Variants in HIBCH observed in about 807,000 individuals in gnomAD.
HIBCH encodes the protein 3-hydroxyisobutyryl-CoA hydrolase, mitochondrial.
HIBCH carries 50 observed loss-of-function variants against 58.2 expected under a neutral mutation model. That is an observed-to-expected ratio of 0.86 (90% CI 0.68 to 1.09). The LOEUF (loss-of-function observed/expected upper bound fraction) is 1.09. Among genes scored for constraint, HIBCH ranks in the 50% least tolerant of loss-of-function variants. The probability of loss-of-function intolerance (pLI) is 0.00; values close to 1 mark genes in which losing one functional copy is unlikely to be tolerated. For missense variants in HIBCH, 450 were observed against 449.7 expected (o/e 1.00, Z -0.01); for synonymous variants, 151 against 146.9 (o/e 1.03, Z -0.20).
At chr2:190,213,864 G>A (rs1690571139) in intron 11 of HIBCH, 1 of 152,236 alleles carries the variant, frequency 6.6e-6, no homozygotes, top group South Asian at 2.1e-4. Context: ...TGTGCACTAG[G>A]AGGTTAAGTT....
chr2:190,245,111 AAG>A (rs1686568458), intron 10 of HIBCH, 143 bp from the exon 11 acceptor site: 1 of 676,750 alleles, frequency 1.5e-6, no homozygotes, highest in Non-Finnish European at 2.7e-6. Flanking sequence ...CGTGAAAAGA[AAG>A]AGAGCATTGC....
intron 1 of HIBCH, among the ~76,000 whole-genome samples, chr2:190,313,664 AG>A (rs66901703): frequency 0.32 from 40,473 of 125,902 alleles, 8,562 homozygotes; most frequent in East Asian, 0.56. Context: ...AAAAAAAAAA[AG>A]GAATCACCTG....
intron 11 of HIBCH, among the ~76,000 whole-genome samples, chr2:190,222,570 G>A (rs1326344771): frequency 6.6e-6 from 1 of 152,156 alleles, no homozygotes; most frequent in Non-Finnish European, 1.5e-5. Context: ...ACCATAATGA[G>A]ATACCATTTC....
At position 190,212,952 on chromosome 2, in the gene HIBCH, TTACCA is replaced by T. The variant is rs751676774; in HGVS notation, c.1010_1011+3del. The stretch of plus-strand genomic sequence containing the variant: ...AAAATGACATTTTTTTTTTAAATTC[TTACCA>T]TACAAGCTTGACTTAGCCGATACTC... On this transcript the variant is annotated splice_donor_variant and splice_donor_region_variant and coding_sequence_variant and intron_variant, in exon 12 of 14. Coordinates refer to ENST00000359678, the MANE Select transcript of HIBCH (RefSeq NM_014362.4). LOFTEE classifies it high-confidence loss of function. 6.2e-7 allele frequency: 1 copy of T among 1,609,248 alleles called. No homozygotes were observed. The highest frequency in any genetic ancestry group is 8.5e-7 in the Non-Finnish European group (1 of 1,177,626).
rs935307738 is a variant in HIBCH, at chr2:190,207,737, T to C, written c.1045+1143A>G. Among the ~76,000 whole-genome samples, 3 of 152,060 alleles carry C rather than the reference T, an allele frequency of 2.0e-5. No homozygotes were observed. Among genetic ancestry groups the C allele is most frequent in the East Asian group, 3.9e-4 (2 of 5,162 alleles). ...TTCTACTAAAAATACAAAAATCAGC[T>C]AGGCGTGGTGGCATGGGCTGGTAGT... On this transcript the variant is annotated intron_variant, in intron 13 of 13. Transcript: ENST00000359678. This position sits in a 1 kb window ranked among gnomAD's most constrained non-coding sequence, Gnocchi z 4.5.
intron 6 of HIBCH, among the ~76,000 whole-genome samples, chr2:190,285,397 T>C (rs1196609493): frequency 6.6e-6 from 1 of 152,186 alleles, no homozygotes; most frequent in Non-Finnish European, 1.5e-5. Flanking sequence ...CCTCTTACTC[T>C]GCAGTACTTT....
intron 6 of HIBCH, among the ~76,000 whole-genome samples, chr2:190,287,027 C>CGTGTGTGTGTGTGTGTGTGT (rs56811939): frequency 2.6e-4 from 37 of 142,218 alleles, no homozygotes; most frequent in South Asian, 1.4e-3. Flanking sequence ...TAGCATATAA[C>CGTGTGTGTGTGTGTGTGTGT]GTGTGTGTGT....
intron 11 of HIBCH, among the ~76,000 whole-genome samples, chr2:190,235,233 A>G (rs4853503): frequency 0.32 from 48,290 of 152,096 alleles, 8,918 homozygotes; most frequent in African/African-American, 0.49. Context: ...CTGCTTAATT[A>G]ATCACAGGTT....
At chr2:190,317,499 A>G (rs1484517113) in intron 1 of HIBCH, among the ~76,000 whole-genome samples, 4 of 152,224 alleles carry the variant, frequency 2.6e-5, no homozygotes, top group Non-Finnish European at 5.9e-5. Context: ...CTGGGGCCAA[A>G]TCTGTGAAAT....
intron 7 of HIBCH, among the ~76,000 whole-genome samples, chr2:190,252,686 T>C (rs889426898): frequency 1.3e-5 from 2 of 151,968 alleles, no homozygotes; most frequent in Non-Finnish European, 2.9e-5. Context: ...GAAAAAAAAA[T>C]ACATAACCTA....
At chr2:190,280,177 T>C (rs1361824760) in intron 6 of HIBCH, 1 of 152,204 alleles carries the variant, frequency 6.6e-6, no homozygotes, top group Non-Finnish European at 1.5e-5. Context: ...CAGGCCTCAA[T>C]TAAGTCTTTA....
At chr2:190,308,491 A>G (rs1688473779) in intron 2 of HIBCH, among the ~76,000 whole-genome samples, 1 of 152,146 alleles carries the variant, frequency 6.6e-6, no homozygotes, top group Admixed American at 6.5e-5. Context: ...TTAATGGATT[A>G]ATGAGTTAAT....
intron 6 of HIBCH, among the ~76,000 whole-genome samples, chr2:190,284,334 G>A (rs879095356): frequency 6.6e-6 from 1 of 152,030 alleles, no homozygotes; most frequent in African/African-American, 2.4e-5. Context: ...CATGGCCAGT[G>A]CCTTCAGAAA....
At chr2:190,192,452 CTGTGTGTGTGTGTGTGTGTGTG>C (rs147936734) in intron 1 of HIBCH, among the ~76,000 whole-genome samples, 18 of 145,258 alleles carry the variant, frequency 1.2e-4, no homozygotes, top group Admixed American at 8.9e-4. Context: ...AATTCAGAAT[CTGTGTGTGTGTGTGTGTGTGTG>C]TGTGTGTGTG....
rs544439401 is a variant in HIBCH, at chr2:190,252,044, G to A, written c.663+118C>T. The A allele has an allele frequency of 1.2e-4, 115 of 922,866 alleles. No homozygotes were observed. The South Asian group carries it at 1.5e-3, about 12-fold the overall frequency. 57.2% of individuals were successfully genotyped at this position (922,866 alleles called of 1,614,324 possible). ...ACACAGCTATAAACTAATAGGTCCA[G>A]GATTCACACCACGATTTCACCAGAA... On this transcript the variant is annotated intron_variant, in intron 8 of 13. Transcript: ENST00000359678.
In HIBCH at chr2:190,290,340, A is replaced by G. The variant is rs560067634; in HGVS notation, c.385+65T>C. The G allele has an allele frequency of 2.7e-6, 3 of 1,127,112 alleles. No homozygotes were observed. In the African/African-American group the frequency reaches 4.6e-5, roughly 17 times the overall value. The allele number at this position is 1,127,112 out of a possible 1,614,324, so 69.8% of individuals were successfully genotyped here. ...GATGCCTATTGATTGCATTTTTAAC[A>G]AAGTACATACTGTCCACCTCATTTC... On this transcript the variant is annotated intron_variant, in intron 5 of 13. Coordinates refer to ENST00000359678, the MANE Select transcript of HIBCH (RefSeq NM_014362.4).
chr2:190,293,648 G>A (rs1208162757), intron 4 of HIBCH, among the ~76,000 whole-genome samples: 2 of 151,878 alleles, frequency 1.3e-5, no homozygotes, highest in Non-Finnish European at 1.5e-5. Flanking sequence ...CTAAGGTAAT[G>A]GTTTACGTAA....
chr2:190,246,561 T>C lies in HIBCH; in HGVS notation c.751-349A>G, dbSNP rs74589897. On this transcript the variant is annotated intron_variant, in intron 9 of 13. Transcript: ENST00000359678. Reference sequence around the variant, plus strand: ...CCCAAATTTCCATCCTAGCCAGAAATTCACACCATATACCTGGTATGCCTG... The same window carrying C: ...CCCAAATTTCCATCCTAGCCAGAAACTCACACCATATACCTGGTATGCCTG... 6.7e-3 allele frequency among the ~76,000 whole-genome samples: 1,016 copies of C among 152,272 alleles called. 12 individuals carry two copies. Among genetic ancestry groups the C allele is most frequent in the African/African-American group, 0.022 (921 of 41,562 alleles).
At position 190,296,797 on chromosome 2, in the gene HIBCH, T is replaced by A; in HGVS notation, c.219+16A>T. Reference sequence around the variant, plus strand: ...TTGAAAAGAATCCATATAATTGCAATAAGAAAATTACAAACCTTTAGCTGT... The same window carrying A: ...TTGAAAAGAATCCATATAATTGCAAAAAGAAAATTACAAACCTTTAGCTGT... On this transcript the variant is annotated intron_variant, in intron 3 of 13. Coordinates refer to ENST00000359678, the MANE Select transcript of HIBCH (RefSeq NM_014362.4). 1 of 1,605,832 alleles carries A rather than the reference T, an allele frequency of 6.2e-7. No homozygotes were observed. Among genetic ancestry groups the A allele is most frequent in the Non-Finnish European group, 8.5e-7 (1 of 1,172,522 alleles).
Sources: allele counts gnomAD v4.1 joint callset (sites outside exome capture counted in the v4.1 genomes callset), GRCh38; gene constraint gnomAD v4.1.1; non-coding constraint Gnocchi (gnomAD v3.1); transcripts MANE v1.5; gene names NCBI Gene and HGNC (gene_info 2026-07-23, HGNC 2026-07-21).